RBFOX1: variants seen among roughly 807,000 people sequenced by gnomAD.
The protein encoded by RBFOX1 is RNA binding fox-1 homolog 1.
In RBFOX1, 8 loss-of-function variants were observed where a neutral mutation model predicts 57.7. That is an observed-to-expected ratio of 0.14 (90% CI 0.08 to 0.25). The LOEUF is 0.25. Ranked by LOEUF, RBFOX1 falls within the 10% of genes least tolerant of loss-of-function variation. The pLI is 1.00. For synonymous variants in RBFOX1, 326 were observed against 222.4 expected (o/e 1.47, Z -4.15); for missense variants, 611 against 548.5 (o/e 1.11, Z -1.14).
chr16:5,815,372 C>A (rs1324429901), intron 3 of RBFOX1, among the ~76,000 whole-genome samples: 3 of 152,024 alleles, frequency 2.0e-5, no homozygotes, highest in Non-Finnish European at 4.4e-5. Flanking sequence ...TGTTTGGAGA[C>A]CCCAGTGGTC....
At chr16:6,859,129 A>ATATATATATATATATATATG (rs1567592071) in intron 3 of RBFOX1, among the ~76,000 whole-genome samples, 5 of 75,684 alleles carry the variant, frequency 6.6e-5, no homozygotes, top group Admixed American at 2.8e-4. Flanking sequence ...ATATATATAT[A>ATATATATATATATATATATG]CATATATATA....
chr16:6,234,292 C>A (rs897247402), intron 1 of RBFOX1, among the ~76,000 whole-genome samples: 1 of 152,166 alleles, frequency 6.6e-6, no homozygotes, highest in Non-Finnish European at 1.5e-5. Context: ...CCTGTGTTAT[C>A]TATCGAAAAG....
At chr16:7,183,263 G>T (rs975262108) in intron 4 of RBFOX1, among the ~76,000 whole-genome samples, 1 of 152,064 alleles carries the variant, frequency 6.6e-6, no homozygotes, top group Admixed American at 6.5e-5. Context: ...GGTGAATCAC[G>T]AAAACATATT....
At chr16:6,529,147 C>G (rs1182360748) in intron 2 of RBFOX1, among the ~76,000 whole-genome samples, 1 of 152,130 alleles carries the variant, frequency 6.6e-6, no homozygotes, top group African/African-American at 2.4e-5. Context: ...CCATCTGTTA[C>G]CCAATCTATA....
At chr16:6,761,432 A>G (rs543400321) in intron 3 of RBFOX1, among the ~76,000 whole-genome samples, 1 of 149,376 alleles carries the variant, frequency 6.7e-6, no homozygotes, top group South Asian at 2.1e-4. Context: ...TCAAGGTAAC[A>G]GTTTTCCTGT....
chr16:5,840,225 C>G (rs988526663), intron 3 of RBFOX1, among the ~76,000 whole-genome samples: 1 of 152,202 alleles, frequency 6.6e-6, no homozygotes, highest in Non-Finnish European at 1.5e-5. Context: ...TCCTTGGCAT[C>G]TCAGTCTCAG....
In RBFOX1 at chr16:7,518,144, C is replaced by T. The variant is rs2076775196; in HGVS notation, c.28-3C>T. Reference sequence around the variant, plus strand: ...CCCTCTCTGCACCTTTTTGATTTTTCAGGGTAATCAGGAAGCAGCCGCTGC... The same window carrying T: ...CCCTCTCTGCACCTTTTTGATTTTTTAGGGTAATCAGGAAGCAGCCGCTGC... On this transcript the variant is annotated splice_region_variant and splice_polypyrimidine_tract_variant and intron_variant, in intron 4 of 15. Coordinates refer to ENST00000550418, the MANE Select transcript of RBFOX1 (RefSeq NM_018723.4). 6.2e-7 allele frequency: 1 copy of T among 1,602,460 alleles called. No homozygotes were observed. Among genetic ancestry groups the T allele is most frequent in the Non-Finnish European group, 8.5e-7 (1 of 1,175,420 alleles).
At chr16:5,923,491 T>A (rs1443524019) in intron 4 of RBFOX1, among the ~76,000 whole-genome samples, 2 of 149,922 alleles carry the variant, frequency 1.3e-5, no homozygotes, top group Admixed American at 6.7e-5. Context: ...GAGGACAGAT[T>A]GCGAATTCAG....
Position 5,594,603 on chromosome 16 carries a change from C to G in RBFOX1, c.259-4299C>G, listed in dbSNP as rs116833901. ...ACACTGGGAGAGGAGGCTTCCAGGT[C>G]AGAGGTAGAAAAGAGACAAATGGTT... On this transcript the variant is annotated intron_variant, in intron 2 of 2. Coordinates refer to the RBFOX1 transcript ENST00000585867. Among the ~76,000 whole-genome samples, 1,199 of 152,168 alleles carry G rather than the reference C, an allele frequency of 7.9e-3. 20 individuals are homozygous for G. The highest frequency in any genetic ancestry group is 0.028 in the African/African-American group (1,165 of 41,498).
intron 3 of RBFOX1, among the ~76,000 whole-genome samples, chr16:6,905,756 A>G (rs1393340473): frequency 6.6e-6 from 1 of 152,186 alleles, no homozygotes; most frequent in Non-Finnish European, 1.5e-5. Flanking sequence ...CATGCCATGG[A>G]TGGAAATGGT....
At chr16:5,380,829 A>G (rs1450333106) in intron 1 of RBFOX1, among the ~76,000 whole-genome samples, 1 of 152,226 alleles carries the variant, frequency 6.6e-6, no homozygotes, top group East Asian at 1.9e-4. Flanking sequence ...ATGCACTTAT[A>G]TATAACTTGA....
intron 3 of RBFOX1, among the ~76,000 whole-genome samples, chr16:7,030,580 C>G (rs929198609): frequency 1.3e-5 from 2 of 152,142 alleles, no homozygotes; most frequent in African/African-American, 4.8e-5. Flanking sequence ...CTTTGTTTCT[C>G]TGTGTGTTCT....
intron 3 of RBFOX1, among the ~76,000 whole-genome samples, chr16:5,783,273 T>C (rs113318426): frequency 6.6e-6 from 1 of 152,234 alleles, no homozygotes; most frequent in South Asian, 2.1e-4. Context: ...CTTTTCAATC[T>C]ATGTATAAGA....
chr16:6,739,696 G>T (rs1187124984), intron 3 of RBFOX1, among the ~76,000 whole-genome samples: 2 of 152,098 alleles, frequency 1.3e-5, no homozygotes, highest in African/African-American at 4.8e-5. Flanking sequence ...GGCCAACATG[G>T]TGAAACCCCA....
intron 2 of RBFOX1, among the ~76,000 whole-genome samples, chr16:5,582,092 T>TG (rs1411222033): frequency 6.6e-6 from 1 of 152,188 alleles, no homozygotes; most frequent in African/African-American, 2.4e-5. Flanking sequence ...TTAAAAGAGC[T>TG]GACAGCTCCC....
intron 2 of RBFOX1, among the ~76,000 whole-genome samples, 194 bp from the exon 3 acceptor site, chr16:6,654,409 T>C (rs1303458579): frequency 3.9e-5 from 6 of 152,192 alleles, no homozygotes; most frequent in African/African-American, 1.4e-4. Flanking sequence ...GAGATACATA[T>C]GTCTCTAATG....
At chr16:7,085,504 C>G (rs906486032) in intron 4 of RBFOX1, among the ~76,000 whole-genome samples, 1 of 152,128 alleles carries the variant, frequency 6.6e-6, no homozygotes, top group Non-Finnish European at 1.5e-5. Flanking sequence ...GACCGATTCA[C>G]CACCACTGCA....
At chr16:6,442,867 T>C (rs2094413128) in intron 2 of RBFOX1, among the ~76,000 whole-genome samples, 2 of 152,210 alleles carry the variant, frequency 1.3e-5, no homozygotes. Context: ...TGGAATATGA[T>C]ATCAGTTTGG....
At chr16:5,441,197 C>T (rs1303862095) in intron 1 of RBFOX1, among the ~76,000 whole-genome samples, 1 of 152,024 alleles carries the variant, frequency 6.6e-6, no homozygotes, top group Admixed American at 6.6e-5. Context: ...TCATATTTTT[C>T]AGGTTATTGT....
Sources: allele counts gnomAD v4.1 joint callset (sites outside exome capture counted in the v4.1 genomes callset), GRCh38; gene constraint gnomAD v4.1.1; transcripts MANE v1.5; gene names NCBI Gene and HGNC (gene_info 2026-07-23, HGNC 2026-07-21).